Variants in CD226 observed in about 807,000 individuals in gnomAD.
CD226 encodes CD226 antigen.
CD226 carries 24 observed loss-of-function variants against 34.9 expected under a neutral mutation model. The ratio of observed to expected loss-of-function variants is 0.69; its 90% CI spans 0.50 to 0.97. The LOEUF is 0.97. Among genes scored for constraint, CD226 ranks in the 50% least tolerant of loss-of-function variants. CD226 has a pLI of 0.00. For missense variants in CD226, 397 were observed against 412.7 expected (o/e 0.96, Z 0.33); for synonymous variants, 148 against 147.4 (o/e 1.00, Z -0.03).
At chr18:69,894,066 G>A (rs1224222240) in intron 3 of CD226, among the ~76,000 whole-genome samples, 1 of 151,492 alleles carries the variant, frequency 6.6e-6, no homozygotes, top group Non-Finnish European at 1.5e-5. Context: ...AAGGGAGAAG[G>A]GAAGGAAGAA....
rs1012855615 is a variant in CD226 at position 69,855,688 on chromosome 18, A to C, written c.*8626T>G. The C allele has an allele frequency of 6.6e-6, 1 of 152,186 alleles. No individual in the cohort carries two copies. The highest frequency in any genetic ancestry group is 2.4e-5 in the African/African-American group (1 of 41,456). The allele number at this position is 152,186 out of a possible 1,614,324, so 9.4% of individuals were successfully genotyped here. A position where few individuals can be genotyped will look rare whatever the true frequency, so the allele number is the denominator to read the frequency against. Reference sequence around the variant, plus strand: ...TGATCAATGAAAGATATGCCACGAGAGAAAATTAAATCATGTAAAAACCCC... The same window carrying C: ...TGATCAATGAAAGATATGCCACGAGCGAAAATTAAATCATGTAAAAACCCC... On this transcript the variant is annotated 3_prime_UTR_variant, in exon 6 of 6. Transcript: ENST00000582621.
At chr18:69,950,971 TTGTGTGTGTGTGTGTG>T (rs57098005), upstream of CD226, among the ~76,000 whole-genome samples, 20 of 132,712 alleles carry the variant, frequency 1.5e-4, no homozygotes, top group East Asian at 4.5e-4. Context: ...AACTATGATT[TTGTGTGTGTGTGTGTG>T]TGTGTGTGTG....
intron 2 of CD226, among the ~76,000 whole-genome samples, chr18:69,934,964 C>T (rs2055633959): frequency 6.6e-6 from 1 of 152,174 alleles, no homozygotes. Context: ...AAAAGCCATT[C>T]TGCCTGCAAC....
rs1341624245 is a variant in CD226, at chr18:69,867,340, G to T, written c.885+17C>A. 6.4e-7 allele frequency: 1 copy of T among 1,553,776 alleles called. No homozygotes were observed. ...TAAATTACAAAAGAAAAAAATGACA[G>T]TTCCGTATAAACTTACCTTCTGTGT... On this transcript the variant is annotated intron_variant, in intron 5 of 5. Coordinates refer to ENST00000582621, the MANE Select transcript of CD226 (RefSeq NM_001303618.2).
intron 2 of CD226, 135 bp from the exon 3 acceptor site, chr18:69,896,180 A>AT: frequency 5.3e-6 from 7 of 1,323,484 alleles, no homozygotes; most frequent in African/African-American, 4.3e-5. Flanking sequence ...TCTTTATACT[A>AT]CTTTTTTTTT....
intron 3 of CD226, among the ~76,000 whole-genome samples, chr18:69,876,446 G>A (rs1178580611): frequency 6.6e-6 from 1 of 152,116 alleles, no homozygotes; most frequent in Non-Finnish European, 1.5e-5. Flanking sequence ...TTACCTATTT[G>A]TAACCCGTTT....
intron 1 of CD226, 32 bp downstream of exon 1, chr18:69,947,325 AAAAC>A: frequency 7.1e-7 from 1 of 1,410,746 alleles, no homozygotes; most frequent in South Asian, 1.3e-5. Flanking sequence ...AAACAGGAGC[AAAAC>A]TTTTAAATGA....
intron 2 of CD226, among the ~76,000 whole-genome samples, chr18:69,932,489 T>A (rs2055601342): frequency 6.6e-6 from 1 of 152,138 alleles, no homozygotes; most frequent in African/African-American, 2.4e-5. Flanking sequence ...TGATCACACA[T>A]CAAATTTCTT....
intron 2 of CD226, among the ~76,000 whole-genome samples, chr18:69,945,090 T>C (rs2055773247): frequency 6.6e-6 from 1 of 152,242 alleles, no homozygotes; most frequent in Non-Finnish European, 1.5e-5. Context: ...TGTACAGCCA[T>C]GAGTATAATT....
chr18:69,946,545 A>G (rs190480870), intron 2 of CD226, among the ~76,000 whole-genome samples, 189 bp downstream of exon 2: 8 of 152,328 alleles, frequency 5.3e-5, no homozygotes, highest in Non-Finnish European at 1.2e-4. Context: ...ACAACAGCAC[A>G]GTCAGAAAAA....
intron 3 of CD226, 103 bp downstream of exon 3, chr18:69,895,598 T>C (rs1985221991): frequency 3.7e-6 from 3 of 821,770 alleles, no homozygotes; most frequent in East Asian, 4.9e-5. Context: ...ATGCTGAATA[T>C]GCGCATTAAA....
At chr18:69,960,227 G>A (rs756304715), upstream of CD226, among the ~76,000 whole-genome samples, 12 of 148,016 alleles carry the variant, frequency 8.1e-5, no homozygotes, top group Non-Finnish European at 1.8e-4. Flanking sequence ...GTGACAGAGC[G>A]AGACTCCATC....
In CD226 at chr18:69,867,223, T is replaced by C. The variant is rs1983201535; in HGVS notation, c.885+134A>G. ...AAAATAACTTTCTCCAAATAGCTGA[T>C]ATTTAAATTACAGGCAACTGCATGG... On this transcript the variant is annotated intron_variant, in intron 5 of 5. Coordinates refer to ENST00000582621, the MANE Select transcript of CD226 (RefSeq NM_001303618.2). 17 of 640,070 alleles carry C rather than the reference T, an allele frequency of 2.7e-5. No homozygotes were observed. The South Asian group carries it at 3.1e-4, about 12-fold the overall frequency. 39.6% of individuals were successfully genotyped at this position (640,070 alleles called of 1,614,324 possible). A position where few individuals can be genotyped will look rare whatever the true frequency, so the allele number is the denominator to read the frequency against.
intron 2 of CD226, among the ~76,000 whole-genome samples, chr18:69,916,745 A>G (rs1271726125): frequency 6.6e-6 from 1 of 152,222 alleles, no homozygotes; most frequent in African/African-American, 2.4e-5. Context: ...AAGGGAACAG[A>G]CGAGATTCTT....
intron 3 of CD226, among the ~76,000 whole-genome samples, chr18:69,879,388 C>G (rs573539681): frequency 2.6e-5 from 4 of 152,222 alleles, no homozygotes; most frequent in South Asian, 2.1e-4. Context: ...TCTCCTCCCC[C>G]CAGGAAAGCA....
rs867137069 is a variant in CD226 at position 69,880,349 on chromosome 18, A to G, written c.728-7103T>C. On this transcript the variant is annotated intron_variant, in intron 3 of 5. Coordinates refer to ENST00000582621, the MANE Select transcript of CD226 (RefSeq NM_001303618.2). ...GAAAGAGAGAAAGAAAGAAAGAAAG[A>G]AAGAAAGAAAGGAAGGAAGGAAGGA... Among the ~76,000 whole-genome samples the G allele has an allele frequency of 3.1e-3, 245 of 80,282 alleles. 1 individual carries two copies. The highest frequency in any genetic ancestry group is 0.014 in the South Asian group (26 of 1,868). 52.7% of individuals were successfully genotyped at this position (80,282 alleles called of 152,430 possible). A position where few individuals can be genotyped will look rare whatever the true frequency, so the allele number is the denominator to read the frequency against.
intron 3 of CD226, among the ~76,000 whole-genome samples, chr18:69,874,122 G>A (rs527468914): frequency 9.2e-5 from 14 of 152,116 alleles, no homozygotes; most frequent in African/African-American, 2.9e-4. Flanking sequence ...TCAACTGACC[G>A]ACTCCAGCAA....
intron 3 of CD226, among the ~76,000 whole-genome samples, chr18:69,874,459 T>A (rs1196783033): frequency 6.6e-6 from 1 of 152,142 alleles, no homozygotes; most frequent in African/African-American, 2.4e-5. Context: ...CATTGCTGTC[T>A]CTCTTCGGGA....
In CD226 at chr18:69,931,475, A is replaced by C. The variant is rs995951672; in HGVS notation, c.382+15259T>G. 3.9e-5 allele frequency among the ~76,000 whole-genome samples: 6 copies of C among 152,220 alleles called. No individual in the cohort carries two copies. The East Asian group carries it at 7.7e-4, about 20-fold the overall frequency. ...AAAAACAGACAACAGAGATAGAACT[A>C]CTTTAATATTACAGCATCAGGCATA... On this transcript the variant is annotated intron_variant, in intron 2 of 5. Coordinates refer to ENST00000582621, the MANE Select transcript of CD226 (RefSeq NM_001303618.2).
Sources: allele counts gnomAD v4.1 joint callset (sites outside exome capture counted in the v4.1 genomes callset), GRCh38; gene constraint gnomAD v4.1.1; transcripts MANE v1.5; gene names NCBI Gene and HGNC (gene_info 2026-07-23, HGNC 2026-07-21).